EFCAB13: variants seen among roughly 807,000 people sequenced by gnomAD.
EFCAB13 encodes EF-hand calcium-binding domain-containing protein 13.
In EFCAB13, 91 loss-of-function variants were observed where a neutral mutation model predicts 110.2. The observed-to-expected ratio is 0.83, with a 90% CI of 0.70 to 0.98. The LOEUF is 0.98. Among genes scored for constraint, EFCAB13 ranks in the 50% least tolerant of loss-of-function variants. The pLI, the probability that EFCAB13 is intolerant of heterozygous loss-of-function variation, is 0.00. For missense variants in EFCAB13, 968 were observed against 1,119.4 expected, an observed-to-expected ratio of 0.86 and a Z score of 1.93; for synonymous variants, 323 against 369.9, an observed-to-expected ratio of 0.87 and a Z score of 1.45.
chr17:47,397,275 G>A (rs1311276735), intron 17 of EFCAB13, among the ~76,000 whole-genome samples: 3 of 152,182 alleles, frequency 2.0e-5, no homozygotes, highest in Non-Finnish European at 4.4e-5. Context: ...CGGCCTCCCG[G>A]GGTGCCGGGA....
At chr17:47,355,430 C>G (rs2065474701) in intron 9 of EFCAB13, among the ~76,000 whole-genome samples, 1 of 152,160 alleles carries the variant, frequency 6.6e-6, no homozygotes, top group South Asian at 2.1e-4. Context: ...AGATCTCTGA[C>G]AAGGCTGGGG....
intron 10 of EFCAB13, among the ~76,000 whole-genome samples, chr17:47,367,783 A>G (rs1427092035): frequency 6.6e-6 from 1 of 152,164 alleles, no homozygotes; most frequent in African/African-American, 2.4e-5. Context: ...CCTCTCATCA[A>G]GAAAAGGTGG....
In EFCAB13 at chr17:47,409,671, T is replaced by C; in HGVS notation, c.2258T>C (p.Leu753Pro). 1 of 1,611,340 alleles carries C rather than the reference T, an allele frequency of 6.2e-7. No individual in the cohort carries two copies. Among genetic ancestry groups the C allele is most frequent in the African/African-American group, 1.3e-5 (1 of 74,976 alleles). ...GATTTCAGGAAAGAGGCTTCAAATCTAAAATTACCAAAGGTAAACGGTGAG... is the reference window on the plus strand; with the variant it reads ...GATTTCAGGAAAGAGGCTTCAAATCCAAAATTACCAAAGGTAAACGGTGAG... ...YIDFRKEASN[L>P]KLPKVNEIKE... The change falls in exon 21 of 25, where the codon CTA (leucine) becomes CCA (proline). Residue 753 changes from leucine (L) to proline (P), a missense_variant. Physicochemically the swap from Leu to Pro is moderately conservative, Grantham distance 98. Coordinates refer to ENST00000331493, the MANE Select transcript of EFCAB13 (RefSeq NM_152347.5).
Position 47,328,290 on chromosome 17 carries a change from T to C in EFCAB13, c.-64T>C. 1.5e-6 allele frequency: 2 copies of C among 1,345,046 alleles called. No individual in the cohort carries two copies. Among genetic ancestry groups the C allele is most frequent in the Non-Finnish European group, 2.1e-6 (2 of 937,674 alleles). The allele number at this position is 1,345,046 out of a possible 1,614,324, so 83.3% of individuals were successfully genotyped here. On this transcript the variant is annotated 5_prime_UTR_variant, in exon 4 of 25. Transcript: ENST00000331493. ...GCAGGAAATCCTTTTGTACTATTGC[T>C]CATTCATACTTGTTCATCAAAGCCT...
rs746078378 is a variant in EFCAB13, at chr17:47,328,383, G to C, written c.30G>C (p.Gln10His). 5.1e-6 allele frequency: 8 copies of C among 1,581,178 alleles called. No homozygotes were observed. The highest frequency in any genetic ancestry group is 6.9e-6 in the Non-Finnish European group (8 of 1,164,298). The change falls in exon 4 of 25, where the codon CAG becomes CAC. Residue 10 changes from glutamine to histidine, a missense_variant and splice_region_variant. By Grantham distance (24) the Gln-to-His change is conservative. Coordinates refer to ENST00000331493, the MANE Select transcript of EFCAB13 (RefSeq NM_152347.5). The part of the protein sequence containing the change: METKVHLFC[Q>H]AEENIDLLDD... Reference sequence around the variant, plus strand: ...AAACTAAAGTACATTTATTCTGCCAGGTATTTATTTAAAACAGTTTCTAAA... The same window carrying C: ...AAACTAAAGTACATTTATTCTGCCACGTATTTATTTAAAACAGTTTCTAAA...
chr17:47,417,410 T>A (rs1326114260), intron 23 of EFCAB13, among the ~76,000 whole-genome samples: 2 of 152,246 alleles, frequency 1.3e-5, no homozygotes. Flanking sequence ...TCTTTCACTG[T>A]TTGCTTTAGT....
At chr17:47,324,955 A>C (rs911860965) in intron 2 of EFCAB13, among the ~76,000 whole-genome samples, 31 of 143,696 alleles carry the variant, frequency 2.2e-4, no homozygotes, top group Non-Finnish European at 7.6e-5. Context: ...GCTCCTTTCA[A>C]GTTTGTCAGT....
chr17:47,329,348 A>G (rs1392597633), intron 4 of EFCAB13, among the ~76,000 whole-genome samples: 1 of 152,058 alleles, frequency 6.6e-6, no homozygotes, highest in Non-Finnish European at 1.5e-5. Context: ...CTCAAGTGAA[A>G]TTCAGCATTG....
At chr17:47,439,069 T>C (rs759768938) in intron 24 of EFCAB13, among the ~76,000 whole-genome samples, 3 of 152,092 alleles carry the variant, frequency 2.0e-5, no homozygotes, top group Admixed American at 6.6e-5. Flanking sequence ...GACTCTCTTC[T>C]TATGGGTAAA....
chr17:47,399,074 C>T (rs908713272), intron 17 of EFCAB13, among the ~76,000 whole-genome samples: 14 of 152,082 alleles, frequency 9.2e-5, no homozygotes, highest in Admixed American at 7.9e-4. Context: ...AGGTGCACAG[C>T]ACTGTGCCTG....
In EFCAB13 at chr17:47,377,873, C is replaced by A; in HGVS notation, c.1480C>A (p.Gln494Lys). ...TGINLLDEEFQKIVTDTSRNE... is the reference protein window; with the variant it reads ...TGINLLDEEFKKIVTDTSRNE... ...AATTAATTTATTAGATGAAGAATTC[C>A]AGAAGATTGTGACAGACACTAGTAG... The change falls in exon 13 of 25, where the codon CAG becomes AAG. Residue 494 changes from glutamine (Q) to lysine (K), a missense_variant. By Grantham distance (53) the Gln-to-Lys change is moderately conservative. Coordinates refer to ENST00000331493, the MANE Select transcript of EFCAB13 (RefSeq NM_152347.5). 6.3e-7 allele frequency: 1 copy of A among 1,593,922 alleles called. No individual in the cohort carries two copies.
intron 23 of EFCAB13, among the ~76,000 whole-genome samples, chr17:47,415,516 G>A (rs1225461735): frequency 6.6e-6 from 1 of 151,968 alleles, no homozygotes; most frequent in African/African-American, 2.4e-5. Flanking sequence ...GAAGAAAATT[G>A]GGCAAAGATA....
rs530804454 is a variant in EFCAB13 at position 47,356,944 on chromosome 17, G to A, written c.662-4434G>A. Among the ~76,000 whole-genome samples, 3 of 152,322 alleles carry A rather than the reference G, an allele frequency of 2.0e-5. No individual in the cohort carries two copies. The South Asian group carries it at 6.2e-4, about 32-fold the overall frequency. ...TGAAGGTGTGGTTCCCAGGCCAATG[G>A]AGTTATGTTCCTGGGAGGATTATGG... On this transcript the variant is annotated intron_variant, in intron 9 of 24. Coordinates refer to ENST00000331493, the MANE Select transcript of EFCAB13 (RefSeq NM_152347.5).
chr17:47,435,430 C>T (rs1473547541), intron 24 of EFCAB13, among the ~76,000 whole-genome samples: 2 of 152,032 alleles, frequency 1.3e-5, no homozygotes, highest in African/African-American at 4.8e-5. Context: ...GGAGTGTAAA[C>T]TAATAAAACC....
intron 5 of EFCAB13, among the ~76,000 whole-genome samples, chr17:47,337,995 C>A (rs892324079): frequency 2.6e-5 from 4 of 152,036 alleles, no homozygotes; most frequent in African/African-American, 7.3e-5. Context: ...CATTTTAATG[C>A]CTCTTTGGGC....
intron 23 of EFCAB13, among the ~76,000 whole-genome samples, chr17:47,418,213 G>A (rs933580528): frequency 6.6e-6 from 1 of 152,182 alleles, no homozygotes; most frequent in Non-Finnish European, 1.5e-5. Flanking sequence ...GGGCAGTCCT[G>A]ATTTTAAACC....
chr17:47,406,503 G>A (rs573580403), intron 20 of EFCAB13, among the ~76,000 whole-genome samples: 14 of 152,146 alleles, frequency 9.2e-5, no homozygotes, highest in African/African-American at 1.9e-4. Flanking sequence ...TGTAATAGAC[G>A]GTTTGATAGT....
chr17:47,404,000 C>T lies in EFCAB13; in HGVS notation c.2140C>T (p.Leu714Phe), dbSNP rs1247636491. ...ACCTAAAGAAGAGGTAGAGAAAATT[C>T]TTCAATCAGATTTTGTTTCTGGTAA... The part of the protein sequence containing the change: ...KSPKEEVEKI[L>F]QSDFVSEDNM... The change falls in exon 19 of 25, where the codon CTT (leucine) becomes TTT (phenylalanine). Residue 714 changes from leucine to phenylalanine, a missense_variant. Leu to Phe is a conservative substitution (Grantham distance 22). Transcript: ENST00000331493. 6.3e-7 allele frequency: 1 copy of T among 1,593,302 alleles called. No homozygotes were observed. The highest frequency in any genetic ancestry group is 8.5e-7 in the Non-Finnish European group (1 of 1,172,434).
chr17:47,341,381 T>A (rs529551345), intron 5 of EFCAB13: 1 of 153,146 alleles, frequency 6.5e-6, no homozygotes, highest in Non-Finnish European at 1.5e-5. Context: ...TGTTTTGTTT[T>A]GTTTTTGAGA....
Sources: allele counts gnomAD v4.1 joint callset (sites outside exome capture counted in the v4.1 genomes callset), GRCh38; gene constraint gnomAD v4.1.1; transcripts MANE v1.5; gene names NCBI Gene and HGNC (gene_info 2026-07-23, HGNC 2026-07-21).